CDKL1: variants seen among roughly 807,000 people sequenced by gnomAD.
CDKL1 encodes the protein cyclin-dependent kinase-like 1.
Under a neutral mutation model 42.0 loss-of-function variants are expected in CDKL1, and 41 were observed. That is an observed-to-expected ratio of 0.98 (90% CI 0.76 to 1.27). The LOEUF (loss-of-function observed/expected upper bound fraction) is 1.27. Among genes scored for constraint, CDKL1 ranks in the 50% most tolerant of loss-of-function variants. The probability of loss-of-function intolerance (pLI) is 0.00; values close to 1 mark genes in which losing one functional copy is unlikely to be tolerated. For synonymous variants in CDKL1, 153 were observed against 158.6 expected (o/e 0.96, Z 0.26); for missense variants, 394 against 428.4 (o/e 0.92, Z 0.71).
chr14:50,342,067 A>T, intron 5 of CDKL1, 65 bp downstream of exon 5: 2 of 1,236,576 alleles, frequency 1.6e-6, no homozygotes, highest in South Asian at 2.4e-5. Context: ...GAGCATTTAG[A>T]TCCTTTGTTG....
chr14:50,392,670 C>G (rs921501155), intron 2 of CDKL1, among the ~76,000 whole-genome samples: 1 of 152,038 alleles, frequency 6.6e-6, no homozygotes, highest in East Asian at 1.9e-4. Context: ...TAAATACCAT[C>G]GATATGCTTA....
intron 2 of CDKL1, chr14:50,362,836 A>G (rs900818090): frequency 2.4e-5 from 8 of 328,294 alleles, no homozygotes; most frequent in Admixed American, 1.5e-4. Context: ...GGATGTGGGT[A>G]GGGCCAGATA....
At chr14:50,370,205 A>C (rs2034552394) in intron 2 of CDKL1, among the ~76,000 whole-genome samples, 1 of 151,950 alleles carries the variant, frequency 6.6e-6, no homozygotes. Flanking sequence ...AGTAGCTGGG[A>C]TTACAGGTGC....
At position 50,376,029 on chromosome 14, in the gene CDKL1, TCTAAATGATTA is replaced by T. The variant is rs777720564; in HGVS notation, c.169-16891_169-16881del. Among the ~76,000 whole-genome samples the T allele has an allele frequency of 7.4e-4, 113 of 152,232 alleles. 3 individuals carry two copies. The highest frequency in any genetic ancestry group is 3.3e-3 in the Admixed American group (50 of 15,300). ...AGAGGAGGCTGCGGACACAGCCTCC[TCTAAATGATTA>T]CTAAATGATTACTAAATGTAATGTA... On this transcript the variant is annotated intron_variant, in intron 2 of 9. Coordinates refer to ENST00000395834, the MANE Select transcript of CDKL1 (RefSeq NM_004196.7).
In CDKL1 at chr14:50,395,786, T is replaced by C. The variant is rs1309950937; in HGVS notation, c.83A>G (p.Gln28Arg). Residue 28 changes from glutamine (Q) to arginine (R), a missense_variant, in exon 2 of 10, where the codon CAG becomes CGG. By Grantham distance (43) the Gln-to-Arg change is conservative (BLOSUM62 1). Transcript: ENST00000395834. ...CAGAAACTTCTTGATGGCCACAATC[T>C]GACCCGTGTCCCTGTTTCTACATTT... ...VFKCRNRDTG[Q>R]IVAIKKFLES... 6.2e-7 allele frequency: 1 copy of C among 1,613,720 alleles called. No homozygotes were observed. The highest frequency in any genetic ancestry group is 8.5e-7 in the Non-Finnish European group (1 of 1,179,550).
At position 50,381,965 on chromosome 14, in the gene CDKL1, T is replaced by C. The variant is rs377239906; in HGVS notation, c.168+13736A>G. Among the ~76,000 whole-genome samples, 111 of 152,252 alleles carry C rather than the reference T, an allele frequency of 7.3e-4. 2 individuals are homozygous for C. The South Asian group carries it at 0.022, about 31-fold the overall frequency. On this transcript the variant is annotated intron_variant, in intron 2 of 9. Transcript: ENST00000395834. The stretch of plus-strand genomic sequence containing the variant: ...TTTAGAAATTCTTAACCTTTCATTA[T>C]TCCAGCAACGACAAAAAAATAGATG...
At chr14:50,395,628 C>CT (rs1312940602) in intron 2 of CDKL1, 73 bp downstream of exon 2, 1 of 1,027,672 alleles carries the variant, frequency 9.7e-7, no homozygotes, top group African/African-American at 1.6e-5. Flanking sequence ...GATCACATGG[C>CT]TGCACTCCAG....
chr14:50,362,165 T>TAC, intron 2 of CDKL1: 1 of 216,072 alleles, frequency 4.6e-6, no homozygotes, highest in Non-Finnish European at 9.1e-6. Context: ...GAGCCTCCCC[T>TAC]CCCCACCCCC....
Position 50,327,926 on chromosome 14 carries a change from T to A in CDKL1, c.*2148A>T, listed in dbSNP as rs1233603730. The A allele has an allele frequency of 6.6e-6, 1 of 152,118 alleles. No individual in the cohort carries two copies. Among genetic ancestry groups the A allele is most frequent in the Non-Finnish European group, 1.5e-5 (1 of 68,016 alleles). The allele number at this position is 152,118 out of a possible 1,614,324, so 9.4% of individuals were successfully genotyped here. A position where few individuals can be genotyped will look rare whatever the true frequency, so the allele number is the denominator to read the frequency against. ...TGTCATTTTAAAAATCAGAAAATAG[T>A]AAATAAAAGGATGTGGAAGAGTCTC... is the stretch of plus-strand genomic sequence containing the variant. On this transcript the variant is annotated 3_prime_UTR_variant, in exon 10 of 10. Coordinates refer to ENST00000395834, the MANE Select transcript of CDKL1 (RefSeq NM_004196.7).
chr14:50,359,838 T>C (rs2034184790), intron 2 of CDKL1, among the ~76,000 whole-genome samples: 1 of 150,318 alleles, frequency 6.7e-6, no homozygotes, highest in Non-Finnish European at 1.5e-5. Context: ...AATGTTAGCT[T>C]TGGCAGAGAT....
At chr14:50,365,148 C>T (rs1566596058) in intron 2 of CDKL1, among the ~76,000 whole-genome samples, 1 of 152,148 alleles carries the variant, frequency 6.6e-6, no homozygotes, top group Non-Finnish European at 1.5e-5. Context: ...TAGATAGAGT[C>T]AAATTGCTTT....
intron 3 of CDKL1, among the ~76,000 whole-genome samples, chr14:50,346,940 T>C (rs1363361435): frequency 6.6e-6 from 1 of 152,138 alleles, no homozygotes; most frequent in East Asian, 1.9e-4. Context: ...TGAACCACCA[T>C]GCCCGGCCTG....
intron 3 of CDKL1, among the ~76,000 whole-genome samples, chr14:50,353,203 T>C (rs1223621111): frequency 6.6e-6 from 1 of 152,240 alleles, no homozygotes; most frequent in Non-Finnish European, 1.5e-5. Context: ...GGGGAGGCTG[T>C]ATTGTGACCC....
chr14:50,360,512 A>G (rs2034204672), intron 2 of CDKL1, among the ~76,000 whole-genome samples: 2 of 152,122 alleles, frequency 1.3e-5, no homozygotes, highest in Non-Finnish European at 2.9e-5. Context: ...GATTCAAGTG[A>G]TTCTCTTGCC....
intron 4 of CDKL1, chr14:50,342,434 A>AT (rs2033579162): frequency 7.5e-7 from 1 of 1,334,240 alleles, no homozygotes; most frequent in African/African-American, 1.5e-5. Flanking sequence ...AAAAGAGCCA[A>AT]GAAGAGTGAA....
intron 2 of CDKL1, among the ~76,000 whole-genome samples, chr14:50,375,235 G>A (rs1480284964): frequency 6.6e-6 from 1 of 152,160 alleles, no homozygotes; most frequent in Non-Finnish European, 1.5e-5. Flanking sequence ...ATTGATGGAA[G>A]TATATCAAAG....
intron 3 of CDKL1, among the ~76,000 whole-genome samples, chr14:50,357,602 A>G (rs187765724): frequency 7.9e-4 from 120 of 152,276 alleles, no homozygotes; most frequent in African/African-American, 2.8e-3. Context: ...GGCCACCTTC[A>G]CCATGAAGCT....
At chr14:50,332,168 G>A (rs1247639582) in intron 9 of CDKL1, 94 bp downstream of exon 9, 1 of 1,613,820 alleles carries the variant, frequency 6.2e-7, no homozygotes, top group Non-Finnish European at 8.5e-7. Context: ...CTGGAATGAG[G>A]ATGCTGGAGC....
intron 2 of CDKL1, 125 bp from the exon 3 acceptor site, chr14:50,359,274 TA>T: frequency 1.8e-6 from 2 of 1,100,104 alleles, no homozygotes; most frequent in Non-Finnish European, 2.6e-6. Context: ...AAGGAGGCTG[TA>T]AACAGTATCA....
Sources: gnomAD v4.1 joint callset for allele counts (sites outside exome capture counted in the v4.1 genomes callset) on GRCh38, gnomAD v4.1.1 for gene constraint, MANE v1.5 for transcripts, NCBI Gene and HGNC (gene_info 2026-07-23, HGNC 2026-07-21) for gene names.